The following RABGAP1L variants were observed in gnomAD, a reference collection of about 807,000 sequenced individuals.
The protein encoded by RABGAP1L is rab GTPase-activating protein 1-like.
A neutral mutation model predicts 137.7 loss-of-function variants in RABGAP1L; 63 were observed. The ratio of observed to expected loss-of-function variants is 0.46; its 90% CI spans 0.37 to 0.56. The LOEUF (loss-of-function observed/expected upper bound fraction) is 0.56, where lower values mean the gene tolerates loss of function less well. RABGAP1L is among the 20% of genes least tolerant of loss of function. The pLI is 0.00. For synonymous variants in RABGAP1L, 431 were observed against 433.7 expected (o/e 0.99, Z 0.08); for missense variants, 1,095 against 1,244.0 (o/e 0.88, Z 1.80).
intron 14 of RABGAP1L, among the ~76,000 whole-genome samples, chr1:174,662,121 T>TTTTGGGTTTTG (rs59243192): frequency 7.4e-6 from 1 of 135,224 alleles, no homozygotes; most frequent in African/African-American, 3.0e-5. Flanking sequence ...TTTTTTTTTT[T>TTTTGGGTTTTG]GAGTTGGAGT....
chr1:174,859,953 CTTTTTTTTTTTTT>C (rs746676430), intron 19 of RABGAP1L, among the ~76,000 whole-genome samples: 2 of 95,114 alleles, frequency 2.1e-5, no homozygotes, highest in Admixed American at 2.3e-4. Context: ...TAGTCCAATG[CTTTTTTTTTTTTT>C]TTTTTTTTTT....
chr1:174,674,073 CT>C (rs1346738085), intron 14 of RABGAP1L, among the ~76,000 whole-genome samples: 25 of 135,788 alleles, frequency 1.8e-4, no homozygotes, highest in South Asian at 4.9e-4. Context: ...TTTTTTTTTT[CT>C]TTTTTTTTTC....
intron 1 of RABGAP1L, among the ~76,000 whole-genome samples, chr1:174,164,385 C>T (rs1457951653): frequency 6.6e-6 from 1 of 152,160 alleles, no homozygotes; most frequent in African/African-American, 2.4e-5. Flanking sequence ...TTTACCTGAA[C>T]ATTTATTAAA....
At chr1:174,568,631 G>T (rs1023036347) in intron 13 of RABGAP1L, among the ~76,000 whole-genome samples, 4 of 152,176 alleles carry the variant, frequency 2.6e-5, no homozygotes, top group Admixed American at 6.5e-5. Context: ...TAAAATAGGA[G>T]TGTGCACTTG....
intron 11 of RABGAP1L, among the ~76,000 whole-genome samples, chr1:174,370,724 A>G (rs1489050188): frequency 8.2e-6 from 1 of 122,340 alleles, no homozygotes; most frequent in African/African-American, 4.6e-5. Flanking sequence ...GTCTTTGGAT[A>G]CAGCTATTTA....
chr1:174,696,497 G>A (rs906479042), intron 15 of RABGAP1L, among the ~76,000 whole-genome samples: 7 of 152,146 alleles, frequency 4.6e-5, no homozygotes, highest in Non-Finnish European at 8.8e-5. Flanking sequence ...CCGGAAGATT[G>A]TAATACTCGT....
chr1:174,516,225 A>G (rs1415772052), intron 13 of RABGAP1L, among the ~76,000 whole-genome samples: 2 of 151,746 alleles, frequency 1.3e-5, no homozygotes, highest in Non-Finnish European at 2.9e-5. Flanking sequence ...GCACAATCAC[A>G]GCTCACTGCG....
At chr1:174,880,455 T>G (rs1029984856) in intron 19 of RABGAP1L, among the ~76,000 whole-genome samples, 2 of 151,152 alleles carry the variant, frequency 1.3e-5, no homozygotes, top group Non-Finnish European at 2.9e-5. Flanking sequence ...GTAGGCAACA[T>G]AGAGAGACCT....
In RABGAP1L at chr1:174,971,535, T is replaced by C. The variant is rs140062380; in HGVS notation, c.2544+2148T>C. Reference sequence around the variant, plus strand: ...CTCTTTCCCTCTCTTTTAAGAAAAGTAAATATGACCTGGACCCTCCCTTTG... The same window carrying C: ...CTCTTTCCCTCTCTTTTAAGAAAAGCAAATATGACCTGGACCCTCCCTTTG... On this transcript the variant is annotated intron_variant, in intron 21 of 25. Transcript: ENST00000681986. Among the ~76,000 whole-genome samples, 727 of 152,336 alleles carry C rather than the reference T, an allele frequency of 4.8e-3. 28 individuals are homozygous for C. The highest frequency in any genetic ancestry group is 0.042 in the Admixed American group (644 of 15,300).
intron 18 of RABGAP1L, among the ~76,000 whole-genome samples, chr1:174,764,081 G>A (rs141169507): frequency 0.021 from 3,213 of 152,068 alleles, 53 homozygotes; most frequent in Middle Eastern, 0.085. Context: ...TTTGTGACTG[G>A]CTTTTTTTCC....
intron 19 of RABGAP1L, among the ~76,000 whole-genome samples, chr1:174,843,900 A>G (rs1014064609): frequency 7.8e-6 from 1 of 128,704 alleles, no homozygotes; most frequent in Non-Finnish European, 1.6e-5. Flanking sequence ...TTGTTTCCTG[A>G]CTTTTTAATG....
chr1:174,824,244 C>T (rs927115834), intron 19 of RABGAP1L, among the ~76,000 whole-genome samples: 11 of 151,910 alleles, frequency 7.2e-5, no homozygotes, highest in Admixed American at 3.9e-4. Flanking sequence ...GAGCTGAGTT[C>T]GCTCCACTTC....
rs35509787 is a variant in RABGAP1L at position 174,434,108 on chromosome 1, T to TACACACACACACACACACAC, written c.1710+39988_1710+40007dup. Among the ~76,000 whole-genome samples, 608 of 134,076 alleles carry TACACACACACACACACACAC rather than the reference T, an allele frequency of 4.5e-3. 6 individuals are homozygous for TACACACACACACACACACAC. The highest frequency in any genetic ancestry group is 0.014 in the African/African-American group (505 of 37,360). The allele number at this position is 134,076 out of a possible 152,430, so 88.0% of individuals were successfully genotyped here. A position where few individuals can be genotyped will look rare whatever the true frequency, so the allele number is the denominator to read the frequency against. On this transcript the variant is annotated intron_variant, in intron 13 of 25. Transcript: ENST00000681986. ...GCACATGAGCGCATGCGTGTACACATACACACACACACACACACACACACA... is the reference window on the plus strand; with the variant it reads ...GCACATGAGCGCATGCGTGTACACATACACACACACACACACACACACACACACACACACACACACACACA...
intron 17 of RABGAP1L, among the ~76,000 whole-genome samples, chr1:174,703,597 A>G (rs1679829186): frequency 6.6e-6 from 1 of 152,182 alleles, no homozygotes; most frequent in South Asian, 2.1e-4. Context: ...TCCTTTGGAT[A>G]GGTACCCAAT....
intron 13 of RABGAP1L, among the ~76,000 whole-genome samples, chr1:174,438,123 T>C (rs1160481753): frequency 6.6e-6 from 1 of 152,046 alleles, no homozygotes; most frequent in Non-Finnish European, 1.5e-5. Flanking sequence ...ACATGCCAAA[T>C]TGTAAAGACC....
chr1:174,813,381 A>C (rs1273323429), intron 19 of RABGAP1L, among the ~76,000 whole-genome samples: 1 of 152,164 alleles, frequency 6.6e-6, no homozygotes, highest in Non-Finnish European at 1.5e-5. Context: ...CTGATTTTGA[A>C]CTACGCAACT....
intron 13 of RABGAP1L, among the ~76,000 whole-genome samples, chr1:174,557,944 T>C (rs577080003): frequency 6.6e-6 from 1 of 152,354 alleles, no homozygotes; most frequent in Non-Finnish European, 1.5e-5. Context: ...CTGAGCACTC[T>C]TCTTCAGAAG....
rs1463033288 is a variant in RABGAP1L at position 174,349,726 on chromosome 1, C to T, written c.1466-21253C>T. Among the ~76,000 whole-genome samples, 9 of 131,546 alleles carry T rather than the reference C, an allele frequency of 6.8e-5. No individual in the cohort carries two copies. The South Asian group carries it at 8.0e-4, about 12-fold the overall frequency. 86.3% of individuals were successfully genotyped at this position (131,546 alleles called of 152,430 possible). ...CTCCCGGACAGGGCGGCTGGCCGGG[C>T]GGGGGGCTGACCCCCCCACCTCCCT... On this transcript the variant is annotated intron_variant, in intron 11 of 25. Transcript: ENST00000681986.
intron 20 of RABGAP1L, among the ~76,000 whole-genome samples, chr1:174,967,760 T>G (rs1008317473): frequency 6.6e-6 from 1 of 152,130 alleles, no homozygotes; most frequent in Non-Finnish European, 1.5e-5. Flanking sequence ...GTATTGAGAT[T>G]ACAGTCATGA....
Sources: allele counts gnomAD v4.1 joint callset (sites outside exome capture counted in the v4.1 genomes callset), GRCh38; gene constraint gnomAD v4.1.1; transcripts MANE v1.5; gene names NCBI Gene and HGNC (gene_info 2026-07-23, HGNC 2026-07-21).